ABCA10: variants seen among roughly 807,000 people sequenced by gnomAD.
The protein encoded by ABCA10 is ATP-binding cassette sub-family A member 10.
Under a neutral mutation model 187.5 loss-of-function variants are expected in ABCA10, and 169 were observed. The ratio of observed to expected loss-of-function variants is 0.90; its 90% CI spans 0.80 to 1.02. The LOEUF (loss-of-function observed/expected upper bound fraction) is 1.02, where lower values mean the gene tolerates loss of function less well. ABCA10 is among the 50% of genes least tolerant of loss of function. ABCA10 has a pLI of 0.00. For synonymous variants in ABCA10, 574 were observed against 601.8 expected (o/e 0.95, Z 0.68); for missense variants, 1,727 against 1,812.4 (o/e 0.95, Z 0.86).
intron 9 of ABCA10, among the ~76,000 whole-genome samples, chr17:69,210,407 T>A (rs2074633341): frequency 6.6e-6 from 1 of 151,122 alleles, no homozygotes; most frequent in African/African-American, 2.4e-5. Context: ...GCCAGGATGG[T>A]CTCGATCTCC....
intron 9 of ABCA10, among the ~76,000 whole-genome samples, chr17:69,210,172 T>G (rs2074628867): frequency 1.2e-5 from 1 of 80,182 alleles, no homozygotes; most frequent in Non-Finnish European, 2.2e-5. Flanking sequence ...GGTTATTTCT[T>G]TTTTTTTTTT....
upstream of ABCA10, among the ~76,000 whole-genome samples, chr17:69,229,913 C>G (rs1286231287): frequency 5.3e-5 from 8 of 152,016 alleles, no homozygotes; most frequent in Non-Finnish European, 1.0e-4. Flanking sequence ...CCTTCTTAAT[C>G]ACCAAATTTT....
At chr17:69,243,191 AC>A (rs2074916448) in intron 1 of ABCA10, among the ~76,000 whole-genome samples, 1 of 152,242 alleles carries the variant, frequency 6.6e-6, no homozygotes, top group African/African-American at 2.4e-5. Context: ...ATATGTAGAC[AC>A]GGTGAAAAAA....
At chr17:69,186,440 C>T (rs2074421572) in intron 19 of ABCA10, among the ~76,000 whole-genome samples, 3 of 152,168 alleles carry the variant, frequency 2.0e-5, no homozygotes, top group Admixed American at 2.0e-4. Context: ...TCCTTGTCAA[C>T]ATTGCGATGA....
intron 27 of ABCA10, among the ~76,000 whole-genome samples, chr17:69,157,512 A>C (rs1396800543): frequency 1.3e-5 from 2 of 152,200 alleles, no homozygotes; most frequent in African/African-American, 2.4e-5. Flanking sequence ...TGGAAATACA[A>C]GCCAGCTTTT....
intron 9 of ABCA10, among the ~76,000 whole-genome samples, chr17:69,202,331 GA>G: frequency 6.6e-6 from 1 of 152,050 alleles, no homozygotes; most frequent in African/African-American, 2.4e-5. Flanking sequence ...TGATAATATA[GA>G]AAAAAACAAA....
At chr17:69,158,878 G>A (rs1176692175) in intron 27 of ABCA10, among the ~76,000 whole-genome samples, 7 of 151,994 alleles carry the variant, frequency 4.6e-5, no homozygotes, top group Non-Finnish European at 1.0e-4. Context: ...TCAGTCCATA[G>A]ATATAAGCAA....
intron 25 of ABCA10, among the ~76,000 whole-genome samples, chr17:69,170,997 T>C (rs970809333): frequency 1.3e-5 from 2 of 152,232 alleles, no homozygotes; most frequent in Non-Finnish European, 2.9e-5. Context: ...ATACTCTAAG[T>C]TGGCTTGTAC....
In ABCA10 at chr17:69,185,365, A is replaced by G. The variant is rs2074412993; in HGVS notation, c.2497+112T>C. On this transcript the variant is annotated intron_variant, in intron 20 of 38. Transcript: ENST00000690296. ...ACCCATCAGTTTCCTTCATTTGAAA[A>G]TGGAGCAAGCTGGATAGACACCATT... is the stretch of plus-strand genomic sequence containing the variant. The G allele has an allele frequency of 2.8e-6, 3 of 1,080,982 alleles. No individual in the cohort carries two copies. The South Asian group carries it at 9.3e-5, about 34-fold the overall frequency. The allele number at this position is 1,080,982 out of a possible 1,614,324, so 67.0% of individuals were successfully genotyped here. A position where few individuals can be genotyped will look rare whatever the true frequency, so the allele number is the denominator to read the frequency against.
At chr17:69,158,529 G>C (rs1353804648) in intron 27 of ABCA10, among the ~76,000 whole-genome samples, 2 of 151,586 alleles carry the variant, frequency 1.3e-5, no homozygotes, top group Non-Finnish European at 3.0e-5. Flanking sequence ...GGGAAATAAA[G>C]TAAAAATATA....
At chr17:69,179,781 G>A (rs1420823488) in intron 22 of ABCA10, among the ~76,000 whole-genome samples, 1 of 152,064 alleles carries the variant, frequency 6.6e-6, no homozygotes. Flanking sequence ...ACCATTGAGG[G>A]GAAAACCCCA....
intron 1 of ABCA10, among the ~76,000 whole-genome samples, chr17:69,237,774 TG>T (rs1232765194): frequency 2.6e-5 from 4 of 152,118 alleles, no homozygotes; most frequent in Non-Finnish European, 5.9e-5. Context: ...TCAAAATGAC[TG>T]GCAACCTTTG....
intron 20 of ABCA10, among the ~76,000 whole-genome samples, chr17:69,183,688 G>A (rs890391303): frequency 6.6e-6 from 1 of 152,234 alleles, no homozygotes. Context: ...AGGAAGCAGT[G>A]GGAGGAACCC....
rs1275372078 is a variant in ABCA10, at chr17:69,155,792, C to A, written c.3576+13G>T. 14 of 1,612,730 alleles carry A rather than the reference C, an allele frequency of 8.7e-6. No homozygotes were observed. The Admixed American group carries it at 1.0e-4, about 12-fold the overall frequency. On this transcript the variant is annotated intron_variant, in intron 29 of 38. Transcript: ENST00000690296. ...CTGAGCATTTTATTAAGGGTCTAAT[C>A]CCTGCTGTTCACCTCCTCCAAGTTT...
At chr17:69,150,614 T>G (rs986697032) in intron 36 of ABCA10, among the ~76,000 whole-genome samples, 2 of 152,178 alleles carry the variant, frequency 1.3e-5, no homozygotes, top group African/African-American at 4.8e-5. Flanking sequence ...ATACTCTTTC[T>G]CTCTTAGCTT....
chr17:69,164,790 C>T (rs2074243217), intron 26 of ABCA10, among the ~76,000 whole-genome samples, 174 bp downstream of exon 26: 2 of 152,206 alleles, frequency 1.3e-5, no homozygotes, highest in African/African-American at 4.8e-5. Context: ...GAATAGTGAT[C>T]TCAGCAAATT....
chr17:69,191,029 A>T, intron 17 of ABCA10, 147 bp downstream of exon 17: 1 of 844,086 alleles, frequency 1.2e-6, no homozygotes, highest in Admixed American at 4.3e-5. Flanking sequence ...AACATAGATC[A>T]TCATATTGGA....
upstream of ABCA10, chr17:69,233,127 T>C (rs2074842545): frequency 6.6e-6 from 1 of 152,154 alleles, no homozygotes. Flanking sequence ...GAAAGTCCTA[T>C]TATTATTTCT....
intron 9 of ABCA10, among the ~76,000 whole-genome samples, chr17:69,213,312 G>A (rs1396573139): frequency 6.7e-6 from 1 of 149,100 alleles, no homozygotes; most frequent in Non-Finnish European, 1.5e-5. Flanking sequence ...GCGGTGGGGA[G>A]AATAAAAACA....
Sources: allele counts gnomAD v4.1 joint callset (sites outside exome capture counted in the v4.1 genomes callset), GRCh38; gene constraint gnomAD v4.1.1; transcripts MANE v1.5; gene names NCBI Gene and HGNC (gene_info 2026-07-23, HGNC 2026-07-21).